The following LDB3 variants were observed in gnomAD, a reference collection of about 807,000 sequenced individuals.
The protein encoded by LDB3 is LIM domain-binding protein 3.
LDB3 carries 49 observed loss-of-function variants against 69.0 expected under a neutral mutation model. The ratio of observed to expected loss-of-function variants is 0.71; its 90% confidence interval spans 0.56 to 0.90. The LOEUF is 0.90. Among genes scored for constraint, LDB3 ranks in the 40% least tolerant of loss-of-function variants. The pLI is 0.00. For missense variants in LDB3, 928 were observed against 974.1 expected (o/e 0.95, Z 0.63); for synonymous variants, 387 against 396.2 (o/e 0.98, Z 0.28).
At chr10:86,703,951 T>C (rs1386137046) in intron 7 of LDB3, among the ~76,000 whole-genome samples, 1 of 151,720 alleles carries the variant, frequency 6.6e-6, no homozygotes, top group Non-Finnish European at 1.5e-5. Flanking sequence ...CCAACTCTAC[T>C]AAAAATAGAA....
At chr10:86,721,477 C>A (rs1589680420) in intron 12 of LDB3, among the ~76,000 whole-genome samples, 1 of 152,256 alleles carries the variant, frequency 6.6e-6, no homozygotes, top group East Asian at 1.9e-4. Context: ...CACAGATGAA[C>A]CTGCACCCGA....
intron 9 of LDB3, among the ~76,000 whole-genome samples, chr10:86,712,716 A>G (rs1446215066): frequency 6.6e-6 from 1 of 152,214 alleles, no homozygotes; most frequent in Non-Finnish European, 1.5e-5. Flanking sequence ...TTTAAAAAAT[A>G]AAAGAAAGCA....
chr10:86,677,603 G>A (rs1041136195), intron 2 of LDB3, among the ~76,000 whole-genome samples: 8 of 152,146 alleles, frequency 5.3e-5, no homozygotes, highest in African/African-American at 1.2e-4. Flanking sequence ...GGGAATTCCC[G>A]GGATGGAGTT....
chr10:86,716,823 G>A, intron 10 of LDB3, 52 bp downstream of exon 10: 1 of 1,544,456 alleles, frequency 6.5e-7, no homozygotes, highest in South Asian at 1.2e-5. Flanking sequence ...CGTGTGTGTG[G>A]GGTGCTTGCC....
At chr10:86,694,587 C>T (rs1269945423) in intron 7 of LDB3, among the ~76,000 whole-genome samples, 1 of 152,150 alleles carries the variant, frequency 6.6e-6, no homozygotes, top group African/African-American at 2.4e-5. Context: ...TGGAGGGGCT[C>T]CTCTCCCTTC....
At chr10:86,729,357 T>C (rs1328272311) in intron 13 of LDB3, among the ~76,000 whole-genome samples, 2 of 152,146 alleles carry the variant, frequency 1.3e-5, no homozygotes, top group Non-Finnish European at 2.9e-5. Flanking sequence ...GACACTTGAG[T>C]TCCAATGGAA....
At chr10:86,726,775 TGATA>T (rs1322043761) in intron 13 of LDB3, among the ~76,000 whole-genome samples, 5 of 152,330 alleles carry the variant, frequency 3.3e-5, no homozygotes, top group African/African-American at 9.6e-5. Flanking sequence ...GGTCCTTTCC[TGATA>T]TATAGCTGCC....
chr10:86,732,942 T>G lies in LDB3; in HGVS notation c.2150T>G (p.Leu717Arg), dbSNP rs753237785. 16 of 1,613,956 alleles carry G rather than the reference T, an allele frequency of 9.9e-6. No homozygotes were observed. The South Asian group carries it at 1.8e-4, about 18-fold the overall frequency. ...QPFYSKKDRP[L>R]CKKHAHTINL ...TTCTACTCCAAGAAGGACAGACCCCTGTGCAAGAAGCACGCACACACCATC... is the reference window on the plus strand; with the variant it reads ...TTCTACTCCAAGAAGGACAGACCCCGGTGCAAGAAGCACGCACACACCATC... Residue 717 changes from leucine to arginine, a missense_variant, in exon 14 of 14, where the codon CTG becomes CGG. Physicochemically the swap from Leu to Arg is moderately radical, Grantham distance 102. Coordinates refer to ENST00000361373, the MANE Select transcript of LDB3 (RefSeq NM_007078.3).
In LDB3 at chr10:86,689,144, C is replaced by T. The variant is rs572702547; in HGVS notation, c.690-2752C>T. Among the ~76,000 whole-genome samples, 3 of 152,248 alleles carry T rather than the reference C, an allele frequency of 2.0e-5. No individual in the cohort carries two copies. The South Asian group carries it at 6.2e-4, about 32-fold the overall frequency. On this transcript the variant is annotated intron_variant, in intron 5 of 13. Transcript: ENST00000361373. Reference sequence around the variant, plus strand: ...TTTTTCTCTTTTTCTTCCTCCTTCACCCACCCCATTCCCATAACTCGTTTC... The same window carrying T: ...TTTTTCTCTTTTTCTTCCTCCTTCATCCACCCCATTCCCATAACTCGTTTC...
In LDB3 at chr10:86,680,114, C is replaced by T. The variant is rs1845028812; in HGVS notation, c.278C>T (p.Ala93Val). ...CGTCCCATTCCCATCTCCACGACAG[C>T]ACCTCCAGTCCAGACCCCTCTGCCG... Reference protein sequence around the residue: ...SKRPIPISTTAPPVQTPLPVI... With the variant: ...SKRPIPISTTVPPVQTPLPVI... Residue 93 changes from alanine to valine, a missense_variant, in exon 4 of 14, where the codon GCA becomes GTA. Physicochemically the swap from Ala to Val is moderately conservative, Grantham distance 64. Transcript: ENST00000361373. 6.2e-7 allele frequency: 1 copy of T among 1,614,200 alleles called. No homozygotes were observed. Among genetic ancestry groups the T allele is most frequent in the Non-Finnish European group, 8.5e-7 (1 of 1,180,014 alleles).
At position 86,687,269 on chromosome 10, in the gene LDB3, G is replaced by A. The variant is rs774522659; in HGVS notation, c.690-4627G>A. The stretch of plus-strand genomic sequence containing the variant: ...GCCCAAGCCCAAGGCAGTGACTTCA[G>A]TGGGTAAGCGCCTCCCTCCTCCACC... On this transcript the variant is annotated intron_variant, in intron 5 of 13. Coordinates refer to ENST00000361373, the MANE Select transcript of LDB3 (RefSeq NM_007078.3). The A allele has an allele frequency of 1.4e-5, 22 of 1,613,988 alleles. No individual in the cohort carries two copies. The highest frequency in any genetic ancestry group is 1.9e-5 in the Non-Finnish European group (22 of 1,179,992).
intron 2 of LDB3, among the ~76,000 whole-genome samples, chr10:86,674,527 G>A (rs11592193): frequency 0.21 from 31,315 of 152,128 alleles, 3,708 homozygotes; most frequent in East Asian, 0.44. Context: ...CTTTCTTGGG[G>A]GCTTTGGAGA....
chr10:86,718,347 C>T (rs1296392740), intron 11 of LDB3, among the ~76,000 whole-genome samples: 4 of 152,240 alleles, frequency 2.6e-5, no homozygotes, highest in Admixed American at 2.6e-4. Flanking sequence ...GCCTGTTCCA[C>T]ACAGCTTGAA....
rs1398383245 is a variant in LDB3, at chr10:86,716,535, CCCTGCGGAG to C, written c.1446_1454del (p.Glu483_Ala485del). 16 of 1,613,162 alleles carry C rather than the reference CCCTGCGGAG, an allele frequency of 9.9e-6. No individual in the cohort carries two copies. Among genetic ancestry groups the C allele is most frequent in the Non-Finnish European group, 1.3e-5 (15 of 1,179,822 alleles). On this transcript the variant is annotated inframe_deletion, in exon 10 of 14. Transcript: ENST00000361373. Reference sequence around the variant, plus strand: ...CACCCTCGGTGGCCTACAGCGGGGGCCCTGCGGAGCCTGCCAGCCGTCCACCCTGGGTGA... The same window carrying C: ...CACCCTCGGTGGCCTACAGCGGGGGCCCTGCCAGCCGTCCACCCTGGGTGA...
Position 86,733,989 on chromosome 10 carries a change from A to T in LDB3, c.*1013A>T, listed in dbSNP as rs1401788396. The stretch of plus-strand genomic sequence containing the variant: ...ACAGAGAGACAGTGTCTGAAACAGG[A>T]TGGCAGAATAGGCTCACATGCCCAA... On this transcript the variant is annotated 3_prime_UTR_variant, in exon 14 of 14. Coordinates refer to ENST00000361373, the MANE Select transcript of LDB3 (RefSeq NM_007078.3). 1.3e-5 allele frequency: 2 copies of T among 152,224 alleles called. No homozygotes were observed. Among genetic ancestry groups the T allele is most frequent in the African/African-American group, 4.8e-5 (2 of 41,450 alleles). The allele number at this position is 152,224 out of a possible 1,614,324, so 9.4% of individuals were successfully genotyped here.
chr10:86,728,976 A>G (rs185700009), intron 13 of LDB3, among the ~76,000 whole-genome samples: 1 of 151,394 alleles, frequency 6.6e-6, no homozygotes, highest in East Asian at 1.9e-4. Flanking sequence ...CTATCACTTC[A>G]TATTTCCAAA....
chr10:86,684,505 T>G (rs904826445), intron 5 of LDB3, among the ~76,000 whole-genome samples: 1 of 152,244 alleles, frequency 6.6e-6, no homozygotes, highest in Non-Finnish European at 1.5e-5. Context: ...GGAGAAGGAA[T>G]GGAGCTCCGT....
chr10:86,717,847 A>G (rs1053436227), intron 10 of LDB3, 117 bp from the exon 11 acceptor site: 1 of 922,044 alleles, frequency 1.1e-6, no homozygotes, highest in African/African-American at 1.6e-5. Flanking sequence ...ACTTCATCAG[A>G]ACAGTCACAA....
chr10:86,688,118 CACAT>C (rs1323673028), intron 5 of LDB3, among the ~76,000 whole-genome samples: 1 of 127,098 alleles, frequency 7.9e-6, no homozygotes, highest in African/African-American at 2.9e-5. Flanking sequence ...CTTTTTTACA[CACAT>C]ACACATAATT....
Sources: gnomAD v4.1 joint callset for allele counts (sites outside exome capture counted in the v4.1 genomes callset) on GRCh38, gnomAD v4.1.1 for gene constraint, MANE v1.5 for transcripts, NCBI Gene and HGNC (gene_info 2026-07-23, HGNC 2026-07-21) for gene names.